The following CACNA1G variants were observed in gnomAD, a reference collection of about 807,000 sequenced individuals.
CACNA1G encodes voltage-dependent T-type calcium channel subunit alpha-1G.
A neutral mutation model predicts 219.4 loss-of-function variants in CACNA1G; 67 were observed. The ratio of observed to expected loss-of-function variants is 0.31; its 90% CI spans 0.25 to 0.37. CACNA1G has a LOEUF of 0.37. Ranked by LOEUF, CACNA1G falls within the 10% of genes least tolerant of loss-of-function variation. CACNA1G has a pLI of 1.00. For missense variants in CACNA1G, 2,380 were observed against 3,231.4 expected, an observed-to-expected ratio of 0.74 and a Z score of 6.39; for synonymous variants, 1,296 against 1,345.3, an observed-to-expected ratio of 0.96 and a Z score of 0.80.
In CACNA1G at chr17:50,590,590, C is replaced by T; in HGVS notation, c.2421C>T (p.Tyr807=). ...YGPFGYIKNP[Y]NIFDGVIVVI... The stretch of plus-strand genomic sequence containing the variant: ...CCTTTGGCTACATCAAGAATCCCTA[C>T]AACATCTTCGATGGTGTCATTGTGG... Residue 807 remains tyrosine (Y), a synonymous_variant, in exon 10 of 38, where the codon TAC becomes TAT. Coordinates refer to ENST00000359106, the MANE Select transcript of CACNA1G (RefSeq NM_018896.5). 6.8e-6 allele frequency: 11 copies of T among 1,613,966 alleles called. No homozygotes were observed. Among genetic ancestry groups the T allele is most frequent in the Non-Finnish European group, 9.3e-6 (11 of 1,179,864 alleles).
rs1568066425 is a variant in CACNA1G, at chr17:50,591,721, GCCCCCTTGTGC to G, written c.2640-15_2640-5del. On this transcript the variant is annotated splice_region_variant and splice_polypyrimidine_tract_variant and intron_variant, in intron 11 of 37. Transcript: ENST00000359106. ...ACTGGGCTCTGATCCCTAGCTTGTG[GCCCCCTTGTGC>G]CCACAGCATCCTGGGCATGCATCTC... 1 of 1,613,068 alleles carries G rather than the reference GCCCCCTTGTGC, an allele frequency of 6.2e-7. No homozygotes were observed. The highest frequency in any genetic ancestry group is 1.7e-5 in the Admixed American group (1 of 60,006).
chr17:50,578,083 C>CT lies in CACNA1G; in HGVS notation c.1925-104dup. On this transcript the variant is annotated intron_variant, in intron 8 of 37. Transcript: ENST00000359106. The surrounding 1 kb of genome is among the most constrained non-coding windows in gnomAD (Gnocchi z 4.5). The stretch of plus-strand genomic sequence containing the variant: ...CCACTAAGTGCCTAGCACCCCATCA[C>CT]TGTAACAACCCCAGACTCCCTGACT... The CT allele has an allele frequency of 7.3e-7, 1 of 1,379,064 alleles. No individual in the cohort carries two copies. Among genetic ancestry groups the CT allele is most frequent in the South Asian group, 1.6e-5 (1 of 61,900 alleles). The allele number at this position is 1,379,064 out of a possible 1,614,324, so 85.4% of individuals were successfully genotyped here.
At chr17:50,585,980 G>A (rs547327434) in intron 9 of CACNA1G, among the ~76,000 whole-genome samples, 29 of 152,136 alleles carry the variant, frequency 1.9e-4, no homozygotes, top group Non-Finnish European at 4.1e-4. Context: ...GGCTGGGGTC[G>A]GGCTTGGGCA....
At chr17:50,615,546 C>T (rs780939099) in intron 27 of CACNA1G, 34 bp downstream of exon 27, 1 of 1,603,094 alleles carries the variant, frequency 6.2e-7, no homozygotes, top group African/African-American at 1.3e-5. Flanking sequence ...CTGGCCCCCC[C>T]ACCTCCAGCT....
At chr17:50,620,538 T>C (rs2051595386) in intron 34 of CACNA1G, among the ~76,000 whole-genome samples, 1 of 152,122 alleles carries the variant, frequency 6.6e-6, no homozygotes, top group South Asian at 2.1e-4. Context: ...TCCCCTCCCC[T>C]TGATCCCCTC....
At chr17:50,593,970 CG>C (rs1384785899) in intron 13 of CACNA1G, among the ~76,000 whole-genome samples, 1 of 152,212 alleles carries the variant, frequency 6.6e-6, no homozygotes, top group Non-Finnish European at 1.5e-5. Context: ...GGGGGCCCCA[CG>C]GTCTGGCAGG....
chr17:50,561,385 T>C lies in CACNA1G; in HGVS notation c.-75T>C. On this transcript the variant is annotated 5_prime_UTR_variant, in exon 1 of 38. Transcript: ENST00000359106. ...ATGTGCCCCCGCCGGGGCCCCCGGG[T>C]TGCGTGAGGACACCTCCTCTGAGGG... 1 of 1,520,916 alleles carries C rather than the reference T, an allele frequency of 6.6e-7. No individual in the cohort carries two copies. Among genetic ancestry groups the C allele is most frequent in the East Asian group, 2.5e-5 (1 of 40,392 alleles). The allele number at this position is 1,520,916 out of a possible 1,614,324, so 94.2% of individuals were successfully genotyped here. A position where few individuals can be genotyped will look rare whatever the true frequency, so the allele number is the denominator to read the frequency against.
Position 50,596,555 on chromosome 17 carries a change from G to A in CACNA1G, c.2980-7G>A, listed in dbSNP as rs762346526. The A allele has an allele frequency of 6.2e-7, 1 of 1,613,602 alleles. No homozygotes were observed. Among genetic ancestry groups the A allele is most frequent in the Non-Finnish European group, 8.5e-7 (1 of 1,179,550 alleles). On this transcript the variant is annotated splice_region_variant and splice_polypyrimidine_tract_variant and intron_variant, in intron 14 of 37. Coordinates refer to ENST00000359106, the MANE Select transcript of CACNA1G (RefSeq NM_018896.5). This position sits in a 1 kb window ranked among gnomAD's most constrained non-coding sequence, Gnocchi z 4.8. ...ATCCCTAATGGTCCGCTGCTCCCCT[G>A]CCCTAGGGAGATGCCAACAAGTCCG...
chr17:50,590,692 A>T, intron 10 of CACNA1G, 70 bp downstream of exon 10: 1 of 1,458,234 alleles, frequency 6.9e-7, no homozygotes, highest in Admixed American at 1.8e-5. Context: ...GCCAGGGGCC[A>T]TGCCACCTAT....
At position 50,596,080 on chromosome 17, in the gene CACNA1G, G is replaced by GC. The variant is rs1419102651; in HGVS notation, c.2980-481dup. 5.9e-5 allele frequency among the ~76,000 whole-genome samples: 9 copies of GC among 152,168 alleles called. No individual in the cohort carries two copies. The highest frequency in any genetic ancestry group is 1.3e-4 in the Non-Finnish European group (9 of 68,022). On this transcript the variant is annotated intron_variant, in intron 14 of 37. Transcript: ENST00000359106. The surrounding 1 kb of genome is among the most constrained non-coding windows in gnomAD (Gnocchi z 4.8). ...GACTGAAGTGGCGTCCTCGGGCTGA[G>GC]CTGTTCTGTCTGGGGTCTTTCAATT...
chr17:50,565,895 G>GGT (rs2037693434), intron 1 of CACNA1G, among the ~76,000 whole-genome samples: 2 of 152,276 alleles, frequency 1.3e-5, no homozygotes, highest in South Asian at 4.1e-4. Flanking sequence ...TGCTTTTGAT[G>GGT]GTGGGTTGTG....
rs770090530 is a variant in CACNA1G at position 50,607,818 on chromosome 17, C to G, written c.4513-9C>G. Reference sequence around the variant, plus strand: ...GATGCCTCCGCCTGTCCTTCCTGCTCCCCGCCAGCCCATCATGAACCACAA... The same window carrying G: ...GATGCCTCCGCCTGTCCTTCCTGCTGCCCGCCAGCCCATCATGAACCACAA... On this transcript the variant is annotated splice_polypyrimidine_tract_variant and intron_variant, in intron 24 of 37. Transcript: ENST00000359106. The G allele has an allele frequency of 7.4e-6, 12 of 1,612,472 alleles. No individual in the cohort carries two copies. The highest frequency in any genetic ancestry group is 9.3e-6 in the Non-Finnish European group (11 of 1,179,354).
rs763864006 is a variant in CACNA1G at position 50,561,317 on chromosome 17, C to A, written c.-143C>A. 31 of 1,013,234 alleles carry A rather than the reference C, an allele frequency of 3.1e-5. No homozygotes were observed. Among genetic ancestry groups the A allele is most frequent in the East Asian group, 1.3e-4 (5 of 37,730 alleles). The allele number at this position is 1,013,234 out of a possible 1,614,324, so 62.8% of individuals were successfully genotyped here. A position where few individuals can be genotyped will look rare whatever the true frequency, so the allele number is the denominator to read the frequency against. ...TGCGGGCAGGGGGAGCTGGGCTGAA[C>A]TGGCCCTCCCGGGGGCTCAGCTTGC... On this transcript the variant is annotated 5_prime_UTR_variant, in exon 1 of 38. In the 5' UTR this introduces an upstream ATG that the reference lacks. Transcript: ENST00000359106.
chr17:50,607,252 C>A, intron 24 of CACNA1G: 1 of 480,322 alleles, frequency 2.1e-6, no homozygotes, highest in Non-Finnish European at 4.0e-6. Flanking sequence ...ACCTGTAATG[C>A]CAGTGCATTG....
Position 50,618,621 on chromosome 17 carries a change from C to A in CACNA1G, c.5428-34C>A, listed in dbSNP as rs2051070812. On this transcript the variant is annotated intron_variant, in intron 32 of 37. Coordinates refer to ENST00000359106, the MANE Select transcript of CACNA1G (RefSeq NM_018896.5). This position sits in a 1 kb window ranked among gnomAD's most constrained non-coding sequence, Gnocchi z 5.3. ...CCACAACAGCTCCAACAACTGTCCT[C>A]CCCAGCCTCACCCCTCTATTCCACC... The A allele has an allele frequency of 6.6e-7, 1 of 1,516,280 alleles. No individual in the cohort carries two copies. The highest frequency in any genetic ancestry group is 9.1e-7 in the Non-Finnish European group (1 of 1,096,782). The allele number at this position is 1,516,280 out of a possible 1,614,324, so 93.9% of individuals were successfully genotyped here. A position where few individuals can be genotyped will look rare whatever the true frequency, so the allele number is the denominator to read the frequency against.
rs1468373600 is a variant in CACNA1G, at chr17:50,602,021, G to A, written c.3916-799G>A. 3.9e-5 allele frequency among the ~76,000 whole-genome samples: 6 copies of A among 152,160 alleles called. No individual in the cohort carries two copies. The East Asian group carries it at 1.2e-3, about 29-fold the overall frequency. ...AGACTAGGCGGGTGAGAGAGCACCC[G>A]CACTGGGGACCTCACACCCGGAGTC... On this transcript the variant is annotated intron_variant, in intron 19 of 37. Coordinates refer to ENST00000359106, the MANE Select transcript of CACNA1G (RefSeq NM_018896.5).
At position 50,609,895 on chromosome 17, in the gene CACNA1G, C is replaced by G. The variant is rs762659912; in HGVS notation, c.4719C>G (p.Asp1573Glu). The change falls in exon 26 of 38, where the codon GAC (aspartate) becomes GAG (glutamate). Residue 1573 changes from aspartate (D) to glutamate (E), a missense_variant. This residue lies in a region of CACNA1G where 58 missense variants were observed against 71.3 expected (regional missense o/e 0.81). Transcript: ENST00000359106. ...LEKKRRNLML[D>E]DVIASGSSAS... is the part of the protein sequence containing the mutation. Reference sequence around the variant, plus strand: ...TCGTTCTTTTAGATCTAATGCTGGACGATGTAATTGCTTCCGGCAGCTCAG... The same window carrying G: ...TCGTTCTTTTAGATCTAATGCTGGAGGATGTAATTGCTTCCGGCAGCTCAG... 1 of 1,611,508 alleles carries G rather than the reference C, an allele frequency of 6.2e-7. No homozygotes were observed. Among genetic ancestry groups the G allele is most frequent in the Non-Finnish European group, 8.5e-7 (1 of 1,179,772 alleles).
chr17:50,599,794 G>C lies in CACNA1G; in HGVS notation c.3625G>C (p.Ala1209Pro), dbSNP rs1388956556. The C allele has an allele frequency of 1.2e-6, 2 of 1,612,892 alleles. No homozygotes were observed. The highest frequency in any genetic ancestry group is 2.2e-5 in the South Asian group (2 of 91,078). The change falls in exon 17 of 38, where the codon GCC becomes CCC. Residue 1209 changes from alanine (A) to proline (P), a missense_variant. Ala to Pro is a conservative substitution (Grantham distance 27). This residue lies in a region of CACNA1G where 418 missense variants were observed against 434.3 expected (regional missense o/e 0.96). Transcript: ENST00000359106. The part of the protein sequence containing the change: ...CNGKSASGRL[A>P]RALRPDDPPL... ...TGGCAAGTCGGCTTCAGGGCGCCTGGCCCGGGCCCTGCGGCCTGATGACCC... is the reference window on the plus strand; with the variant it reads ...TGGCAAGTCGGCTTCAGGGCGCCTGCCCCGGGCCCTGCGGCCTGATGACCC...
At chr17:50,588,787 T>C (rs1163042864) in intron 9 of CACNA1G, among the ~76,000 whole-genome samples, 1 of 152,172 alleles carries the variant, frequency 6.6e-6, no homozygotes, top group Non-Finnish European at 1.5e-5. Context: ...GGCCTGCCTT[T>C]GAACAGTCTG....
Sources: allele counts gnomAD v4.1 joint callset (sites outside exome capture counted in the v4.1 genomes callset), GRCh38; gene constraint gnomAD v4.1.1; regional missense constraint gnomAD v4.1.1; non-coding constraint Gnocchi (gnomAD v3.1); transcripts MANE v1.5; gene names NCBI Gene and HGNC (gene_info 2026-07-23, HGNC 2026-07-21).